The following CANX variants were observed in gnomAD, a reference collection of about 807,000 sequenced individuals.
The protein encoded by CANX is epididymis secretory sperm binding protein.
CANX carries 14 observed loss-of-function variants against 75.7 expected under a neutral mutation model. That is an observed-to-expected ratio of 0.19 (90% confidence interval 0.12 to 0.29). The LOEUF (loss-of-function observed/expected upper bound fraction) is 0.29. Among genes scored for constraint, CANX ranks in the 10% least tolerant of loss-of-function variants. The pLI is 1.00. For synonymous variants in CANX, 227 were observed against 236.9 expected (o/e 0.96, Z 0.38); for missense variants, 567 against 713.2 (o/e 0.79, Z 2.34).
At chr5:179,689,379 G>GTTTTTTTTTTTTTT (rs958473912) in intron 1 of CANX, among the ~76,000 whole-genome samples, 9 of 83,674 alleles carry the variant, frequency 1.1e-4, no homozygotes, top group Non-Finnish European at 1.5e-4. Flanking sequence ...AACCCAACAA[G>GTTTTTTTTTTTTTT]TTTTTTTTTT....
intron 7 of CANX, among the ~76,000 whole-genome samples, chr5:179,714,505 T>A (rs1352911218): frequency 6.6e-6 from 1 of 152,068 alleles, no homozygotes; most frequent in Non-Finnish European, 1.5e-5. Context: ...CTAACTTTTT[T>A]ATTTTTTTAT....
intron 7 of CANX, among the ~76,000 whole-genome samples, chr5:179,712,476 T>C (rs1777637301): frequency 6.6e-6 from 1 of 152,004 alleles, no homozygotes; most frequent in African/African-American, 2.4e-5. Flanking sequence ...TGGAGTGCAA[T>C]TGTGTGATCT....
Position 179,678,696 on chromosome 5 carries a change from G to T in CANX, c.-85G>T, listed in dbSNP as rs558988617. On this transcript the variant is annotated 5_prime_UTR_variant, in exon 1 of 15. Coordinates refer to the CANX transcript ENST00000681674. The stretch of plus-strand genomic sequence containing the variant: ...GCCGCAGCCGTCGGGATCACCTCGG[G>T]GTTGCGCTGCTTCTCCAGCAAGTGC... 8 of 1,536,880 alleles carry T rather than the reference G, an allele frequency of 5.2e-6. No individual in the cohort carries two copies. In the Admixed American group the frequency reaches 7.8e-5, roughly 15 times the overall value.
At chr5:179,678,970 G>C in intron 1 of CANX, 1 of 1,535,882 alleles carries the variant, frequency 6.5e-7, no homozygotes, top group Non-Finnish European at 8.7e-7. Flanking sequence ...GGCCCAGCTC[G>C]GCCTGGCGCG....
At chr5:179,719,524 T>G in intron 8 of CANX, 144 bp from the exon 9 acceptor site, 1 of 512,928 alleles carries the variant, frequency 1.9e-6, no homozygotes, top group Non-Finnish European at 3.5e-6. Flanking sequence ...AGCAGATATA[T>G]GATTTACAAG....
intron 9 of CANX, 97 bp from the exon 10 acceptor site, chr5:179,720,307 A>T (rs1581889311): frequency 3.7e-6 from 3 of 819,708 alleles, no homozygotes; most frequent in Middle Eastern, 2.7e-4. Context: ...ATACTGTGAA[A>T]ACATTTCAGC....
At chr5:179,712,778 C>T (rs1777663796) in intron 7 of CANX, among the ~76,000 whole-genome samples, 1 of 151,604 alleles carries the variant, frequency 6.6e-6, no homozygotes, top group South Asian at 2.1e-4. Flanking sequence ...GGTGGGCGTG[C>T]AGTGGCGTGA....
In CANX at chr5:179,684,428, C is replaced by G. The variant is rs571484060; in HGVS notation, c.-4+5651C>G. 2.2e-4 allele frequency among the ~76,000 whole-genome samples: 33 copies of G among 150,814 alleles called. No individual in the cohort carries two copies. In the South Asian group the frequency reaches 5.7e-3, roughly 26 times the overall value. On this transcript the variant is annotated intron_variant, in intron 1 of 14. Coordinates refer to the CANX transcript ENST00000681674. Reference sequence around the variant, plus strand: ...TTTTTCAGCTCACTGCAAGCTCCACCTCCCGGGTTCACACCATTCTCCTTC... The same window carrying G: ...TTTTTCAGCTCACTGCAAGCTCCACGTCCCGGGTTCACACCATTCTCCTTC...
upstream of CANX, chr5:179,694,460 C>A: frequency 1.4e-6 from 1 of 708,802 alleles, no homozygotes; most frequent in Non-Finnish European, 2.6e-6. Flanking sequence ...CTAGTGCCCC[C>A]AAAAGGCCAC....
chr5:179,696,687 G>A (rs949854009), upstream of CANX, among the ~76,000 whole-genome samples: 1 of 152,168 alleles, frequency 6.6e-6, no homozygotes, highest in African/African-American at 2.4e-5. Flanking sequence ...TTACATGTAT[G>A]AGAATACATC....
At chr5:179,692,261 G>C (rs1447838179) in intron 1 of CANX, among the ~76,000 whole-genome samples, 1 of 151,994 alleles carries the variant, frequency 6.6e-6, no homozygotes, top group African/African-American at 2.4e-5. Flanking sequence ...TTTTAGTAGA[G>C]ACAGGGTTTC....
chr5:179,720,367 A>G lies in CANX; in HGVS notation c.1026-37A>G, dbSNP rs771421523. The G allele has an allele frequency of 1.9e-6, 3 of 1,593,448 alleles. No homozygotes were observed. The Admixed American group carries it at 5.0e-5, about 27-fold the overall frequency. ...CCAGCTGTTCATAGTCCTGCATCAC[A>G]GAACCTGTTTATAATTTGTTGTTTG... On this transcript the variant is annotated intron_variant, in intron 9 of 14. Coordinates refer to ENST00000247461, the MANE Select transcript of CANX (RefSeq NM_001746.4).
At position 179,722,887 on chromosome 5, in the gene CANX, T is replaced by C. The variant is rs756239336; in HGVS notation, c.1266T>C (p.Ile422=). Reference sequence around the variant, plus strand: ...TCAGAATGACTCCTTTTAGTGCTATTGGTTTGGAGCTGTGGTCCATGACCT... The same window carrying C: ...TCAGAATGACTCCTTTTAGTGCTATCGGTTTGGAGCTGTGGTCCATGACCT... ...EPFRMTPFSA[I]GLELWSMTSD... Residue 422 remains isoleucine (I), a synonymous_variant, in exon 11 of 15, where the codon ATT becomes ATC. Coordinates refer to ENST00000247461, the MANE Select transcript of CANX (RefSeq NM_001746.4). 28 of 1,613,878 alleles carry C rather than the reference T, an allele frequency of 1.7e-5. 2 individuals carry two copies. The South Asian group carries it at 2.7e-4, about 16-fold the overall frequency.
intron 1 of CANX, chr5:179,699,602 A>G (rs1349674492): frequency 1.3e-5 from 2 of 152,234 alleles, no homozygotes; most frequent in Non-Finnish European, 2.9e-5. Flanking sequence ...TTCCCTGAAG[A>G]GAAAGGGGAA....
At chr5:179,701,869 AG>A (rs1776787721) in intron 1 of CANX, among the ~76,000 whole-genome samples, 2 of 144,294 alleles carry the variant, frequency 1.4e-5, no homozygotes, top group Non-Finnish European at 3.0e-5. Context: ...CCTCCCAAGT[AG>A]CTGGGACTAC....
At position 179,684,919 on chromosome 5, in the gene CANX, A is replaced by ATTTTTT. The variant is rs1562433057; in HGVS notation, c.-4+6146_-4+6147insTTTTTT. Among the ~76,000 whole-genome samples the ATTTTTT allele has an allele frequency of 7.6e-4, 72 of 95,254 alleles. 2 individuals carry two copies. Among genetic ancestry groups the ATTTTTT allele is most frequent in the African/African-American group, 2.8e-3 (66 of 23,394 alleles). 62.5% of individuals were successfully genotyped at this position (95,254 alleles called of 152,430 possible). On this transcript the variant is annotated intron_variant, in intron 1 of 14. Transcript: ENST00000681674. Reference sequence around the variant, plus strand: ...AGGCGTGTGCCACCACACCTGGCTAATTTTGTATTTTTTTTTTTTTTTTTT... The same window carrying ATTTTTT: ...AGGCGTGTGCCACCACACCTGGCTAATTTTTTTTTTGTATTTTTTTTTTTTTTTTTT...
chr5:179,723,658 A>T lies in CANX; in HGVS notation c.1399-2A>T. On this transcript the variant is annotated splice_acceptor_variant, in intron 11 of 14. Transcript: ENST00000247461. LOFTEE classifies it high-confidence loss of function. The stretch of plus-strand genomic sequence containing the variant: ...TTCAATCAGCCCTGTCTTGTTTTTC[A>T]GCCAGGCGTTGTGGGGCAGATGATC... The T allele has an allele frequency of 1.2e-6, 2 of 1,611,068 alleles. No homozygotes were observed. The highest frequency in any genetic ancestry group is 1.7e-6 in the Non-Finnish European group (2 of 1,179,118).
chr5:179,724,461 A>G (rs964893694), intron 12 of CANX, among the ~76,000 whole-genome samples, 196 bp from the exon 13 acceptor site: 3 of 151,786 alleles, frequency 2.0e-5, no homozygotes, highest in African/African-American at 7.3e-5. Context: ...TTATTGTTCT[A>G]CCTTGAAACA....
intron 1 of CANX, among the ~76,000 whole-genome samples, chr5:179,683,849 T>C (rs12518476): frequency 0.33 from 50,241 of 152,112 alleles, 8,925 homozygotes; most frequent in South Asian, 0.53. Context: ...ATAGATTTTT[T>C]TTGGCATTGG....
Sources: allele counts gnomAD v4.1 joint callset (sites outside exome capture counted in the v4.1 genomes callset), GRCh38; gene constraint gnomAD v4.1.1; transcripts MANE v1.5; gene names NCBI Gene and HGNC (gene_info 2026-07-23, HGNC 2026-07-21).